The following TRIM33 variants were observed in gnomAD, a reference collection of about 807,000 sequenced individuals.
TRIM33 encodes the protein E3 ubiquitin-protein ligase TRIM33.
Under a neutral mutation model 125.4 loss-of-function variants are expected in TRIM33, and 20 were observed. The ratio of observed to expected loss-of-function variants is 0.16; its 90% CI spans 0.11 to 0.23. The LOEUF (loss-of-function observed/expected upper bound fraction) is 0.23. Among genes scored for constraint, TRIM33 ranks in the 10% least tolerant of loss-of-function variants. The pLI, the probability that TRIM33 is intolerant of heterozygous loss-of-function variation, is 1.00. For missense variants in TRIM33, 920 were observed against 1,411.4 expected (o/e 0.65, Z 5.58); for synonymous variants, 564 against 513.9 (o/e 1.10, Z -1.32).
intron 11 of TRIM33, 139 bp from the exon 12 acceptor site, chr1:114,410,455 T>C: frequency 4.7e-6 from 4 of 848,092 alleles, no homozygotes; most frequent in Non-Finnish European, 5.3e-6. Flanking sequence ...ATTGCTTCCT[T>C]AGGGTCCACT....
At chr1:114,452,773 A>G (rs1316184019) in intron 4 of TRIM33, among the ~76,000 whole-genome samples, 1 of 150,358 alleles carries the variant, frequency 6.7e-6, no homozygotes, top group Non-Finnish European at 1.5e-5. Context: ...ATGGTAGTAT[A>G]CACCTGTAGT....
At chr1:114,435,560 A>C (rs909800198) in intron 4 of TRIM33, among the ~76,000 whole-genome samples, 1 of 152,184 alleles carries the variant, frequency 6.6e-6, no homozygotes, top group African/African-American at 2.4e-5. Flanking sequence ...AACATAAAGG[A>C]AAGTTTGTTA....
chr1:114,478,175 C>T (rs1461515215), intron 1 of TRIM33, among the ~76,000 whole-genome samples: 1 of 152,136 alleles, frequency 6.6e-6, no homozygotes, highest in African/African-American at 2.4e-5. Context: ...AGGCACTGGC[C>T]CTCTTGCTTG....
intron 1 of TRIM33, among the ~76,000 whole-genome samples, chr1:114,500,003 C>T (rs1652614683): frequency 6.6e-6 from 1 of 152,098 alleles, no homozygotes; most frequent in South Asian, 2.1e-4. Context: ...CCTGTCTCTA[C>T]TAAAAATTCA....
intron 11 of TRIM33, 112 bp downstream of exon 11, chr1:114,421,324 A>C: frequency 9.6e-7 from 1 of 1,038,842 alleles, no homozygotes; most frequent in Non-Finnish European, 1.4e-6. Context: ...ACTCTTCAGA[A>C]ATTTCAAGGA....
intron 1 of TRIM33, among the ~76,000 whole-genome samples, chr1:114,471,161 A>G (rs568373055): frequency 6.6e-6 from 1 of 152,354 alleles, no homozygotes; most frequent in South Asian, 2.1e-4. Context: ...ATAAGAAAGC[A>G]AATCAGACTG....
At position 114,412,402 on chromosome 1, in the gene TRIM33, A is replaced by C. The variant is rs75908207; in HGVS notation, c.2062-2086T>G. On this transcript the variant is annotated intron_variant, in intron 11 of 19. Transcript: ENST00000358465. ...AATAAACTAAATATATTCAAAGTGT[A>C]GTACCTGATGTGAAAGTTTAACACA... Among the ~76,000 whole-genome samples, 1,130 of 152,364 alleles carry C rather than the reference A, an allele frequency of 7.4e-3. 16 individuals are homozygous for C. Among genetic ancestry groups the C allele is most frequent in the African/African-American group, 0.026 (1,069 of 41,578 alleles).
At chr1:114,458,331 C>T (rs1649744771) in intron 4 of TRIM33, among the ~76,000 whole-genome samples, 1 of 152,132 alleles carries the variant, frequency 6.6e-6, no homozygotes, top group Non-Finnish European at 1.5e-5. Flanking sequence ...TTTCTAACTT[C>T]CCCTATAGAT....
rs1307361210 is a variant in TRIM33, at chr1:114,396,654, G to A, written c.*994C>T. The A allele has an allele frequency of 9.9e-6, 2 of 202,480 alleles. No homozygotes were observed. The highest frequency in any genetic ancestry group is 2.0e-5 in the Non-Finnish European group (2 of 98,250). The allele number at this position is 202,480 out of a possible 1,614,324, so 12.5% of individuals were successfully genotyped here. ...AGCAAATGTTGCTGATCTGCCAAAAGTTTTAGTTCACTATTTACAAATAAG... is the reference window on the plus strand; with the variant it reads ...AGCAAATGTTGCTGATCTGCCAAAAATTTTAGTTCACTATTTACAAATAAG... On this transcript the variant is annotated 3_prime_UTR_variant, in exon 20 of 20. Coordinates refer to ENST00000358465, the MANE Select transcript of TRIM33 (RefSeq NM_015906.4).
At chr1:114,502,365 G>C (rs1213517970) in intron 1 of TRIM33, among the ~76,000 whole-genome samples, 3 of 152,062 alleles carry the variant, frequency 2.0e-5, no homozygotes, top group Non-Finnish European at 4.4e-5. Context: ...AGTTACTGAG[G>C]AACACAAAGA....
At position 114,433,721 on chromosome 1, in the gene TRIM33, CA is replaced by C; in HGVS notation, c.935del (p.Leu312TrpfsTer37). 6.2e-7 allele frequency: 1 copy of C among 1,601,944 alleles called. No homozygotes were observed. Among genetic ancestry groups the C allele is most frequent in the Non-Finnish European group, 8.5e-7 (1 of 1,173,690 alleles). On this transcript the variant is annotated frameshift_variant, in exon 5 of 20. Coordinates refer to ENST00000358465, the MANE Select transcript of TRIM33 (RefSeq NM_015906.4). LOFTEE classifies it high-confidence loss of function. ...CCTTCTGATTTTGAAAAGCTTCTTC[CA>C]AAAACTGATACCTTAAAACCAAAAC... ...LEHKEHRYQF[L>X]EEAFQNQKGA...
intron 4 of TRIM33, among the ~76,000 whole-genome samples, chr1:114,456,142 TG>T (rs1649606824): frequency 6.6e-6 from 1 of 152,156 alleles, no homozygotes; most frequent in African/African-American, 2.4e-5. Flanking sequence ...AATGTACTAT[TG>T]GGATAGACAG....
intron 1 of TRIM33, among the ~76,000 whole-genome samples, chr1:114,509,600 T>G (rs567563844): frequency 6.6e-6 from 1 of 152,356 alleles, no homozygotes; most frequent in Non-Finnish European, 1.5e-5. Context: ...CTACACAGTC[T>G]TTAGTTCCAG....
intron 1 of TRIM33, chr1:114,468,259 G>A (rs1386073021): frequency 8.1e-6 from 2 of 246,888 alleles, no homozygotes; most frequent in African/African-American, 4.7e-5. Flanking sequence ...TGCTGCTGGG[G>A]GCTAGGGCTG....
intron 1 of TRIM33, among the ~76,000 whole-genome samples, chr1:114,497,877 A>G (rs1652465863): frequency 6.6e-6 from 1 of 151,634 alleles, no homozygotes; most frequent in South Asian, 2.1e-4. Flanking sequence ...CAAAGATCAA[A>G]AGAAAAAAAA....
chr1:114,442,836 T>G (rs148736335), intron 4 of TRIM33, among the ~76,000 whole-genome samples: 5 of 151,952 alleles, frequency 3.3e-5, no homozygotes, highest in Admixed American at 6.6e-5. Flanking sequence ...TCTTAAAAGA[T>G]TGTAAAAACA....
intron 1 of TRIM33, among the ~76,000 whole-genome samples, chr1:114,469,926 C>T (rs1157072485): frequency 1.3e-5 from 2 of 152,090 alleles, no homozygotes; most frequent in African/African-American, 4.8e-5. Flanking sequence ...GGCTTAAATC[C>T]TATAAAATAA....
In TRIM33 at chr1:114,413,581, AAAGAAAAAGACTTTTTCT is replaced by A. The variant is rs1486651894; in HGVS notation, c.2062-3283_2062-3266del. Among the ~76,000 whole-genome samples, 400 of 136,798 alleles carry A rather than the reference AAAGAAAAAGACTTTTTCT, an allele frequency of 2.9e-3. 3 individuals are homozygous for A. The highest frequency in any genetic ancestry group is 0.012 in the African/African-American group (372 of 31,236). 89.7% of individuals were successfully genotyped at this position (136,798 alleles called of 152,430 possible). ...CTCAAAAAAAAAAAAAAAGAAAAGA[AAAGAAAAAGACTTTTTCT>A]GAAAAGAAAAAGTCCAAAAGCAAAA... On this transcript the variant is annotated intron_variant, in intron 11 of 19. Coordinates refer to ENST00000358465, the MANE Select transcript of TRIM33 (RefSeq NM_015906.4).
Position 114,405,628 on chromosome 1 carries a change from T to C in TRIM33, c.2550A>G (p.Lys850=). The change falls in exon 15 of 20, where the codon AAA becomes AAG. Residue 850 remains lysine (K), a synonymous_variant. Coordinates refer to ENST00000358465, the MANE Select transcript of TRIM33 (RefSeq NM_015906.4). The part of the protein sequence containing the change: ...IEPADMNESC[K]QSGLSSLVNG... ...TAACAAGGCTGCTGAGCCCTGACTG[T>C]TTGCAGCTTTCATTCATATCTGCAG... The C allele has an allele frequency of 6.2e-7, 1 of 1,614,180 alleles. No individual in the cohort carries two copies. The highest frequency in any genetic ancestry group is 8.5e-7 in the Non-Finnish European group (1 of 1,180,022).
Sources: gnomAD v4.1 joint callset for allele counts (sites outside exome capture counted in the v4.1 genomes callset) on GRCh38, gnomAD v4.1.1 for gene constraint, MANE v1.5 for transcripts, NCBI Gene and HGNC (gene_info 2026-07-23, HGNC 2026-07-21) for gene names.